Variants in PTN observed in about 807,000 individuals in gnomAD.
The protein encoded by PTN is pleiotrophin.
PTN carries 18 observed loss-of-function variants against 24.1 expected under a neutral mutation model. The observed-to-expected ratio is 0.75, with a 90% confidence interval of 0.52 to 1.11. The LOEUF is 1.11. Among genes scored for constraint, PTN ranks in the 50% least tolerant of loss-of-function variants. The pLI, the probability that PTN is intolerant of heterozygous loss-of-function variation, is 0.00. For synonymous variants in PTN, 78 were observed against 68.6 expected (o/e 1.14, Z -0.67); for missense variants, 163 against 198.8 (o/e 0.82, Z 1.08).
At chr7:137,255,897 C>G (rs1200114295) in intron 1 of PTN, among the ~76,000 whole-genome samples, 1 of 152,168 alleles carries the variant, frequency 6.6e-6, no homozygotes, top group East Asian at 1.9e-4. Context: ...TTATTGAGCT[C>G]CATCTGCTGT....
intron 1 of PTN, among the ~76,000 whole-genome samples, chr7:137,265,266 C>G (rs559652664): frequency 6.6e-6 from 1 of 152,312 alleles, no homozygotes; most frequent in African/African-American, 2.4e-5. Context: ...GGGCTTCTCT[C>G]ACTTTACAAT....
chr7:137,339,195 A>G (rs1810494549), intron 1 of PTN, among the ~76,000 whole-genome samples: 1 of 152,234 alleles, frequency 6.6e-6, no homozygotes, highest in South Asian at 2.1e-4. Flanking sequence ...TGAGGGTATA[A>G]TGGATTTTAA....
rs548713141 is a variant in PTN, at chr7:137,239,669, C to T, written c.451+11561G>A. Among the ~76,000 whole-genome samples, 706 of 151,614 alleles carry T rather than the reference C, an allele frequency of 4.7e-3. 12 individuals are homozygous for T. The highest frequency in any genetic ancestry group is 0.016 in the African/African-American group (670 of 41,284). ...TGCGGTGTTTGGTTTTTTGTTCTTG[C>T]GATAGTTTACTGAGAATGATGATTT... On this transcript the variant is annotated intron_variant, in intron 4 of 4. Transcript: ENST00000348225.
chr7:137,239,378 A>T (rs1291948931), intron 4 of PTN, among the ~76,000 whole-genome samples: 4 of 69,774 alleles, frequency 5.7e-5, no homozygotes, highest in South Asian at 9.5e-4. Context: ...TTTCTTTTTT[A>T]TTTATTTATT....
intron 1 of PTN, chr7:137,325,647 C>T (rs755879313): frequency 1.3e-5 from 2 of 152,238 alleles, no homozygotes; most frequent in Non-Finnish European, 2.9e-5. Flanking sequence ...AACAATCTGG[C>T]TTTCACTGTC....
At chr7:137,321,176 A>G (rs903426804) in intron 1 of PTN, among the ~76,000 whole-genome samples, 2 of 152,206 alleles carry the variant, frequency 1.3e-5, no homozygotes, top group Admixed American at 6.5e-5. Flanking sequence ...CAGCTAAACA[A>G]GCAAAGACCC....
At chr7:137,259,610 C>T (rs996916527) in intron 1 of PTN, among the ~76,000 whole-genome samples, 1 of 150,204 alleles carries the variant, frequency 6.7e-6, no homozygotes, top group African/African-American at 2.5e-5. Flanking sequence ...CAAAGAAGTG[C>T]TTTTTTTATT....
intron 1 of PTN, among the ~76,000 whole-genome samples, chr7:137,333,800 G>A (rs1231263815): frequency 6.6e-6 from 1 of 152,120 alleles, no homozygotes; most frequent in African/African-American, 2.4e-5. Context: ...TATACTACAA[G>A]CCTACAGTAA....
At chr7:137,249,075 A>T (rs1808776473) in intron 4 of PTN, among the ~76,000 whole-genome samples, 1 of 152,114 alleles carries the variant, frequency 6.6e-6, no homozygotes, top group African/African-American at 2.4e-5. Flanking sequence ...TAAAAGGAAG[A>T]CTTCACTTAT....
At chr7:137,261,561 T>C (rs1268691057) in intron 1 of PTN, among the ~76,000 whole-genome samples, 3 of 152,180 alleles carry the variant, frequency 2.0e-5, no homozygotes, top group Non-Finnish European at 4.4e-5. Flanking sequence ...AAATTTCCCC[T>C]TTGCCCTGTG....
intron 1 of PTN, among the ~76,000 whole-genome samples, chr7:137,294,763 T>C (rs1190305793): frequency 6.6e-6 from 1 of 152,188 alleles, no homozygotes; most frequent in Admixed American, 6.6e-5. Context: ...CAAATAAAGA[T>C]GTACGCCATT....
intron 1 of PTN, among the ~76,000 whole-genome samples, chr7:137,270,220 G>C (rs889658337): frequency 1.3e-5 from 2 of 152,078 alleles, no homozygotes; most frequent in Non-Finnish European, 2.9e-5. Context: ...ACAAGGGAAG[G>C]GCAATTATTT....
intron 1 of PTN, among the ~76,000 whole-genome samples, chr7:137,335,218 T>C (rs748220623): frequency 3.3e-5 from 5 of 149,822 alleles, no homozygotes; most frequent in Non-Finnish European, 5.9e-5. Flanking sequence ...AAGAATGAAG[T>C]TTTCTAAACA....
intron 1 of PTN, among the ~76,000 whole-genome samples, chr7:137,280,651 C>T (rs1160061342): frequency 4.1e-4 from 55 of 133,916 alleles, no homozygotes; most frequent in African/African-American, 1.5e-3. Context: ...GCCAGGAGCT[C>T]AAGACCAGTC....
At chr7:137,323,428 A>G (rs1810198627) in intron 1 of PTN, among the ~76,000 whole-genome samples, 1 of 152,192 alleles carries the variant, frequency 6.6e-6, no homozygotes, top group Non-Finnish European at 1.5e-5. Context: ...TAATTTTACT[A>G]TGGTAAAGTG....
intron 1 of PTN, among the ~76,000 whole-genome samples, chr7:137,321,516 T>C (rs1294171839): frequency 2.0e-5 from 3 of 152,248 alleles, no homozygotes; most frequent in African/African-American, 2.4e-5. Context: ...GTGTTTATCA[T>C]TGATGCCACG....
intron 1 of PTN, chr7:137,287,789 C>T (rs755611801): frequency 6.6e-6 from 1 of 152,082 alleles, no homozygotes; most frequent in African/African-American, 2.4e-5. Context: ...AAAAAAAGGG[C>T]TTACATTGTA....
intron 1 of PTN, among the ~76,000 whole-genome samples, chr7:137,293,004 C>T (rs1485942068): frequency 2.0e-5 from 3 of 152,172 alleles, no homozygotes; most frequent in Non-Finnish European, 4.4e-5. Flanking sequence ...TTTTTAATTT[C>T]TAATTACCTT....
At position 137,297,658 on chromosome 7, in the gene PTN, G is replaced by A. The variant is rs548852435; in HGVS notation, c.-1-42684C>T. On this transcript the variant is annotated intron_variant, in intron 1 of 4. Coordinates refer to ENST00000348225, the MANE Select transcript of PTN (RefSeq NM_002825.7). ...CAACAACAAAACAGGCAATGAGGGA[G>A]AGAAATAAATAGCCCAGGCGCATTC... is the stretch of plus-strand genomic sequence containing the variant. Among the ~76,000 whole-genome samples, 45 of 152,000 alleles carry A rather than the reference G, an allele frequency of 3.0e-4. 1 individual carries two copies. Among genetic ancestry groups the A allele is most frequent in the Admixed American group, 1.1e-3 (16 of 15,238 alleles).
Sources: allele counts gnomAD v4.1 joint callset (sites outside exome capture counted in the v4.1 genomes callset), GRCh38; gene constraint gnomAD v4.1.1; transcripts MANE v1.5; gene names NCBI Gene and HGNC (gene_info 2026-07-23, HGNC 2026-07-21).